The following PLEKHA7 variants were observed in gnomAD, a reference collection of about 807,000 sequenced individuals.
PLEKHA7 encodes pleckstrin homology domain containing A7, also known as pleckstrin homology domain-containing family A member 7.
PLEKHA7 carries 104 observed loss-of-function variants against 170.0 expected under a neutral mutation model. The ratio of observed to expected loss-of-function variants is 0.61; its 90% confidence interval spans 0.52 to 0.72. The LOEUF is 0.72. Among genes scored for constraint, PLEKHA7 ranks in the 30% least tolerant of loss-of-function variants. The pLI is 0.00. For missense variants in PLEKHA7, 1,615 were observed against 1,671.7 expected (o/e 0.97, Z 0.59); for synonymous variants, 648 against 660.8 (o/e 0.98, Z 0.30).
chr11:16,949,549 A>G (rs1861272901), intron 3 of PLEKHA7, among the ~76,000 whole-genome samples: 1 of 152,218 alleles, frequency 6.6e-6, no homozygotes, highest in Non-Finnish European at 1.5e-5. Context: ...TGGCCTGTGG[A>G]TCACACTTAG....
chr11:16,851,235 G>C lies in PLEKHA7; in HGVS notation c.652C>G (p.Pro218Ala). Reference protein sequence around the residue: ...SIPLPSYVISPVAPEDRISRK... With the variant: ...SIPLPSYVISAVAPEDRISRK... ...CTTATGCGATCCTCAGGGGCCACAG[G>C]AGAGATCACGTAGCTGGGCAAGGGG... Residue 218 changes from proline to alanine, a missense_variant, in exon 8 of 27, where the codon CCT becomes GCT. Coordinates refer to ENST00000531066, the MANE Select transcript of PLEKHA7 (RefSeq NM_001329630.2). The C allele has an allele frequency of 1.2e-6, 2 of 1,611,964 alleles. No homozygotes were observed. The highest frequency in any genetic ancestry group is 1.7e-6 in the Non-Finnish European group (2 of 1,179,018).
chr11:16,794,429 AG>A, intron 19 of PLEKHA7, 58 bp downstream of exon 19: 1 of 1,507,058 alleles, frequency 6.6e-7, no homozygotes, highest in Admixed American at 1.7e-5. Flanking sequence ...TCCCAGGAGA[AG>A]GTAATCTGAG....
intron 3 of PLEKHA7, among the ~76,000 whole-genome samples, chr11:16,953,605 G>T (rs1317602622): frequency 6.6e-6 from 1 of 151,972 alleles, no homozygotes; most frequent in East Asian, 1.9e-4. Context: ...TTTTTGCACT[G>T]AAATACACAG....
intron 3 of PLEKHA7, among the ~76,000 whole-genome samples, chr11:16,931,765 CCCA>C (rs1208076300): frequency 1.3e-4 from 18 of 140,952 alleles, no homozygotes; most frequent in African/African-American, 4.7e-4. Flanking sequence ...TCCCCCCCCC[CCCA>C]AAAAAAAAAA....
rs1157158350 is a variant in PLEKHA7 at position 16,810,520 on chromosome 11, A to T, written c.2007+2593T>A. On this transcript the variant is annotated intron_variant, in intron 13 of 26. Coordinates refer to ENST00000531066, the MANE Select transcript of PLEKHA7 (RefSeq NM_001329630.2). ...CTCTTCCAGGCTGCTGGTGCAGTTC[A>T]GCTGGTTCCTGGAGAGGAACTTAGC... Among the ~76,000 whole-genome samples, 3 of 152,220 alleles carry T rather than the reference A, an allele frequency of 2.0e-5. No individual in the cohort carries two copies. The South Asian group carries it at 6.2e-4, about 31-fold the overall frequency.
At chr11:16,830,678 C>A (rs1191664923) in intron 9 of PLEKHA7, among the ~76,000 whole-genome samples, 1 of 152,214 alleles carries the variant, frequency 6.6e-6, no homozygotes, top group Non-Finnish European at 1.5e-5. Context: ...TTTCTTCCTT[C>A]CCTAACCATT....
In PLEKHA7 at chr11:16,974,737, G is replaced by T. The variant is rs1590759844; in HGVS notation, c.221+39252C>A. ...CCCTTTCTCTTCTTATCTCCTCCCA[G>T]TTCAAAATGCTTGCATCTTTTAATA... On this transcript the variant is annotated intron_variant, in intron 3 of 26. Transcript: ENST00000531066. The T allele has an allele frequency of 2.7e-6, 2 of 746,746 alleles. 1 individual carries two copies. The highest frequency in any genetic ancestry group is 2.0e-4 in the East Asian group (2 of 9,888). 46.3% of individuals were successfully genotyped at this position (746,746 alleles called of 1,614,324 possible).
At chr11:17,006,232 C>T (rs559862260) in intron 3 of PLEKHA7, among the ~76,000 whole-genome samples, 5 of 151,310 alleles carry the variant, frequency 3.3e-5, no homozygotes, top group Admixed American at 6.6e-5. Flanking sequence ...TGGTGGTGGG[C>T]GCCTGTAACA....
chr11:16,840,649 A>G (rs1851878120), intron 9 of PLEKHA7, among the ~76,000 whole-genome samples: 1 of 152,178 alleles, frequency 6.6e-6, no homozygotes, highest in African/African-American at 2.4e-5. Flanking sequence ...GGAAACAAAA[A>G]CAGTGTGAAA....
At chr11:16,842,340 C>T (rs1036124299) in intron 8 of PLEKHA7, 4 of 154,320 alleles carry the variant, frequency 2.6e-5, no homozygotes, top group African/African-American at 9.7e-5. Flanking sequence ...GGCGGGTGTC[C>T]CCTTCCTCCC....
At chr11:16,814,258 T>C (rs902917436) in intron 12 of PLEKHA7, among the ~76,000 whole-genome samples, 1 of 152,260 alleles carries the variant, frequency 6.6e-6, no homozygotes, top group African/African-American at 2.4e-5. Flanking sequence ...AGAAGAAGGT[T>C]ATTCAAGATC....
At chr11:16,851,329 C>A in intron 7 of PLEKHA7, 38 bp from the exon 8 acceptor site, 1 of 1,533,890 alleles carries the variant, frequency 6.5e-7, no homozygotes, top group Non-Finnish European at 8.9e-7. Context: ...ACCTTCTGGG[C>A]AGTTTCCCTG....
intron 3 of PLEKHA7, among the ~76,000 whole-genome samples, chr11:17,010,745 G>A (rs1274374982): frequency 6.6e-6 from 1 of 152,142 alleles, no homozygotes; most frequent in Non-Finnish European, 1.5e-5. Flanking sequence ...ATGCTTTGTC[G>A]CTCTCACTTT....
rs549097755 is a variant in PLEKHA7, at chr11:16,797,994, G to A, written c.2410-2976C>T. On this transcript the variant is annotated intron_variant, in intron 17 of 26. Coordinates refer to ENST00000531066, the MANE Select transcript of PLEKHA7 (RefSeq NM_001329630.2). ...AGGGGAGGGGAATTTTGGGGGAAAT[G>A]AGGGGGTGGAGTTTCATTCCTGCCT... Among the ~76,000 whole-genome samples the A allele has an allele frequency of 1.2e-4, 19 of 152,346 alleles. No homozygotes were observed. The South Asian group carries it at 3.7e-3, about 30-fold the overall frequency.
intron 3 of PLEKHA7, among the ~76,000 whole-genome samples, chr11:16,996,189 C>T (rs372830825): frequency 4.6e-5 from 7 of 152,192 alleles, no homozygotes; most frequent in African/African-American, 7.2e-5. Context: ...GGGCAGATAC[C>T]GGCATTTACC....
At chr11:16,816,708 T>G in intron 11 of PLEKHA7, 92 bp downstream of exon 11, 1 of 1,445,424 alleles carries the variant, frequency 6.9e-7, no homozygotes, top group Non-Finnish European at 9.4e-7. Context: ...ATCATTATTA[T>G]CCCAAATTAC....
At chr11:16,949,536 A>C (rs1342388807) in intron 3 of PLEKHA7, among the ~76,000 whole-genome samples, 3 of 152,238 alleles carry the variant, frequency 2.0e-5, no homozygotes, top group Non-Finnish European at 4.4e-5. Flanking sequence ...AATCTGATGC[A>C]GATGGCCTGT....
chr11:17,014,180 G>C lies in PLEKHA7; in HGVS notation c.108C>G (p.Thr36=). Residue 36 remains threonine, a synonymous_variant, in exon 2 of 27, where the codon ACC becomes ACG. Coordinates refer to ENST00000531066, the MANE Select transcript of PLEKHA7 (RefSeq NM_001329630.2). ...GCTCCCCGGTGCGCGGATGCAGCCA[G>C]GTCGTGCAGCGGAGCTGGTCACTGC... ...FFINDQLRCT[T]WLHPRTGEPV... 6.3e-7 allele frequency: 1 copy of C among 1,597,674 alleles called. No individual in the cohort carries two copies. Among genetic ancestry groups the C allele is most frequent in the South Asian group, 1.1e-5 (1 of 89,512 alleles).
At chr11:16,983,059 C>G (rs1267815254) in intron 3 of PLEKHA7, among the ~76,000 whole-genome samples, 1 of 152,152 alleles carries the variant, frequency 6.6e-6, no homozygotes, top group African/African-American at 2.4e-5. Context: ...AGTAACAGAG[C>G]AAGAACTGAA....
Sources: allele counts gnomAD v4.1 joint callset (sites outside exome capture counted in the v4.1 genomes callset), GRCh38; gene constraint gnomAD v4.1.1; transcripts MANE v1.5; gene names NCBI Gene and HGNC (gene_info 2026-07-23, HGNC 2026-07-21).